Variants in COX16 observed in about 807,000 individuals in gnomAD.
COX16 encodes the protein cytochrome c oxidase assembly protein COX16 homolog, mitochondrial.
In COX16, 12 loss-of-function variants were observed where a neutral mutation model predicts 15.4. That is an observed-to-expected ratio of 0.78 (90% CI 0.50 to 1.26). COX16 has a LOEUF of 1.26. COX16 is among the 50% of genes most tolerant of loss of function. The pLI, the probability that COX16 is intolerant of heterozygous loss-of-function variation, is 0.00. For synonymous variants in COX16, 46 were observed against 41.1 expected (o/e 1.12, Z -0.46); for missense variants, 124 against 127.6 (o/e 0.97, Z 0.14).
chr14:70,326,723 G>A (rs946648939), intron 3 of COX16, among the ~76,000 whole-genome samples: 5 of 152,110 alleles, frequency 3.3e-5, no homozygotes, highest in African/African-American at 1.2e-4. Context: ...TTTTTGAGAG[G>A]ACAAGGAAAA....
intron 2 of COX16, among the ~76,000 whole-genome samples, chr14:70,335,184 G>C (rs1258935249): frequency 6.6e-6 from 1 of 152,166 alleles, no homozygotes; most frequent in South Asian, 2.1e-4. Context: ...CCCAACAGCT[G>C]AGCACCCAGA....
At chr14:70,341,650 T>C (rs1174486482) in intron 2 of COX16, among the ~76,000 whole-genome samples, 3 of 152,214 alleles carry the variant, frequency 2.0e-5, no homozygotes, top group Admixed American at 6.5e-5. Flanking sequence ...AGACCCACTA[T>C]AGTTAATGTA....
chr14:70,332,367 C>T (rs1266436429), intron 2 of COX16, among the ~76,000 whole-genome samples: 1 of 152,234 alleles, frequency 6.6e-6, no homozygotes, highest in Non-Finnish European at 1.5e-5. Flanking sequence ...GGCCCAGCGT[C>T]AGCTGCAGCC....
chr14:70,341,740 CT>C, intron 2 of COX16, among the ~76,000 whole-genome samples: 1 of 152,074 alleles, frequency 6.6e-6, no homozygotes, highest in Non-Finnish European at 1.5e-5. Context: ...ACGTACGTTT[CT>C]TTTACTTTAC....
chr14:70,344,766 C>G (rs1338090576), intron 1 of COX16, among the ~76,000 whole-genome samples: 3 of 152,262 alleles, frequency 2.0e-5, no homozygotes, highest in Non-Finnish European at 4.4e-5. Flanking sequence ...AGCAAGATAG[C>G]AGAAGCAGGA....
intron 1 of COX16, among the ~76,000 whole-genome samples, chr14:70,357,816 C>T (rs1887177796): frequency 6.6e-6 from 1 of 152,234 alleles, no homozygotes; most frequent in Admixed American, 6.5e-5. Flanking sequence ...ATGATGCAGC[C>T]ACTTTGGAAA....
chr14:70,340,931 T>C (rs1886606525), intron 2 of COX16, among the ~76,000 whole-genome samples: 2 of 152,218 alleles, frequency 1.3e-5, no homozygotes, highest in African/African-American at 4.8e-5. Flanking sequence ...TTTACTGGCA[T>C]TGCTATATTA....
chr14:70,337,875 A>G (rs1886503102), intron 2 of COX16, among the ~76,000 whole-genome samples: 1 of 152,132 alleles, frequency 6.6e-6, no homozygotes, highest in South Asian at 2.1e-4. Context: ...AGTGACTAGA[A>G]GATAACACAA....
chr14:70,335,846 A>G (rs921957762), intron 2 of COX16, among the ~76,000 whole-genome samples: 3 of 152,222 alleles, frequency 2.0e-5, no homozygotes, highest in Non-Finnish European at 2.9e-5. Flanking sequence ...GAATAAAAGA[A>G]GTCAGCACAA....
At chr14:70,327,103 TA>T (rs1886104733) in intron 3 of COX16, among the ~76,000 whole-genome samples, 2 of 152,110 alleles carry the variant, frequency 1.3e-5, no homozygotes, top group Non-Finnish European at 2.9e-5. Flanking sequence ...ACTCTGACAT[TA>T]ACTTTTACAT....
chr14:70,348,365 C>A (rs1886844186), intron 1 of COX16, among the ~76,000 whole-genome samples: 1 of 152,202 alleles, frequency 6.6e-6, no homozygotes, highest in Non-Finnish European at 1.5e-5. Context: ...AACCAGCTCT[C>A]ATGTAAACCC....
chr14:70,343,616 T>C (rs895971753), intron 1 of COX16, among the ~76,000 whole-genome samples: 3 of 152,222 alleles, frequency 2.0e-5, no homozygotes, highest in Non-Finnish European at 4.4e-5. Flanking sequence ...CCAGGGACAA[T>C]ATGGCTATAC....
At chr14:70,356,067 T>C (rs757714710) in intron 1 of COX16, among the ~76,000 whole-genome samples, 1 of 152,168 alleles carries the variant, frequency 6.6e-6, no homozygotes, top group Non-Finnish European at 1.5e-5. Flanking sequence ...ATGTACAGCC[T>C]GCAGAACCAT....
rs757614422 is a variant in COX16 at position 70,326,417 on chromosome 14, C to T, written c.237G>A (p.Lys79=). Residue 79 remains lysine, a synonymous_variant, in exon 4 of 4, where the codon AAG becomes AAA. Coordinates refer to ENST00000389912, the MANE Select transcript of COX16 (RefSeq NM_016468.7). ...KIKDSKFDDW[K]NIRGPRPWED... is the part of the protein sequence containing the mutation. ...CCCAAGGCCTGGGTCCTCGAATATT[C>T]TTCCAGTCATCAAACTTGGAGTCTT... 3 of 1,593,076 alleles carry T rather than the reference C, an allele frequency of 1.9e-6. No homozygotes were observed. In the East Asian group the frequency reaches 6.8e-5, roughly 36 times the overall value.
At chr14:70,334,858 T>A (rs1292070055) in intron 2 of COX16, among the ~76,000 whole-genome samples, 2 of 151,998 alleles carry the variant, frequency 1.3e-5, no homozygotes, top group Non-Finnish European at 2.9e-5. Flanking sequence ...TACCTATCAA[T>A]AATAACAGTG....
chr14:70,329,363 C>A, intron 2 of COX16, 127 bp from the exon 3 acceptor site: 1 of 657,614 alleles, frequency 1.5e-6, no homozygotes, highest in Non-Finnish European at 2.5e-6. Flanking sequence ...AAAATCTCCA[C>A]CATCTACTCT....
At chr14:70,331,242 A>G (rs527941881) in intron 2 of COX16, among the ~76,000 whole-genome samples, 1 of 152,230 alleles carries the variant, frequency 6.6e-6, no homozygotes, top group African/African-American at 2.4e-5. Flanking sequence ...TCTTGACCTC[A>G]TGATCCACCT....
At chr14:70,352,608 C>T (rs1174890656) in intron 1 of COX16, among the ~76,000 whole-genome samples, 3 of 150,670 alleles carry the variant, frequency 2.0e-5, no homozygotes, top group Non-Finnish European at 4.4e-5. Context: ...ACTACTCACT[C>T]ATACATTTTC....
rs767719242 is a variant in COX16 at position 70,342,647 on chromosome 14, A to G, written c.141+11T>C. The G allele has an allele frequency of 3.7e-6, 6 of 1,608,430 alleles. 1 individual carries two copies. In the South Asian group the frequency reaches 6.7e-5, roughly 18 times the overall value. Reference sequence around the variant, plus strand: ...GACAGACACATGTCAAACTCTAATTATATTTCTTACTTTACTCTTCACAGC... The same window carrying G: ...GACAGACACATGTCAAACTCTAATTGTATTTCTTACTTTACTCTTCACAGC... On this transcript the variant is annotated intron_variant, in intron 2 of 3. Coordinates refer to ENST00000389912, the MANE Select transcript of COX16 (RefSeq NM_016468.7).
Sources: gnomAD v4.1 joint callset for allele counts (sites outside exome capture counted in the v4.1 genomes callset) on GRCh38, gnomAD v4.1.1 for gene constraint, MANE v1.5 for transcripts, NCBI Gene and HGNC (gene_info 2026-07-23, HGNC 2026-07-21) for gene names.